ZNF131: variants seen among roughly 807,000 people sequenced by gnomAD.
The protein encoded by ZNF131 is zinc finger and BTB domain containing 35.
In ZNF131, 7 loss-of-function variants were observed where a neutral mutation model predicts 60.0. The ratio of observed to expected loss-of-function variants is 0.12; its 90% CI spans 0.07 to 0.22. The LOEUF (loss-of-function observed/expected upper bound fraction) is 0.22. Among genes scored for constraint, ZNF131 ranks in the 10% least tolerant of loss-of-function variants. The probability of loss-of-function intolerance (pLI) is 1.00; values close to 1 mark genes in which losing one functional copy is unlikely to be tolerated. For synonymous variants in ZNF131, 257 were observed against 253.2 expected, an observed-to-expected ratio of 1.01 and a Z score of -0.14; for missense variants, 493 against 740.9, an observed-to-expected ratio of 0.67 and a Z score of 3.88.
At chr5:43,125,607 C>T (rs545342568) in intron 3 of ZNF131, among the ~76,000 whole-genome samples, 2 of 151,830 alleles carry the variant, frequency 1.3e-5, no homozygotes, top group African/African-American at 2.4e-5. Context: ...ATGGTGAAAC[C>T]CTGTCTCTAC....
At chr5:43,150,092 C>CA (rs780253018) in intron 4 of ZNF131, among the ~76,000 whole-genome samples, 1 of 152,184 alleles carries the variant, frequency 6.6e-6, no homozygotes, top group Non-Finnish European at 1.5e-5. Flanking sequence ...ACAGGGGTGA[C>CA]ACAGTGGCCT....
In ZNF131 at chr5:43,139,327, T is replaced by C; in HGVS notation, c.371+18T>C. The C allele has an allele frequency of 6.3e-7, 1 of 1,596,834 alleles. No individual in the cohort carries two copies. Among genetic ancestry groups the C allele is most frequent in the Non-Finnish European group, 8.5e-7 (1 of 1,173,004 alleles). On this transcript the variant is annotated intron_variant, in intron 4 of 6. Transcript: ENST00000682664. ...GAAGTCAGGTACTTAATTTCTTTAA[T>C]GGGGTTCAGATAGTCATATTCAGTC...
At chr5:43,166,420 A>G (rs1750356741) in intron 5 of ZNF131, among the ~76,000 whole-genome samples, 1 of 147,608 alleles carries the variant, frequency 6.8e-6, no homozygotes, top group African/African-American at 2.5e-5. Context: ...GAGTGCAGTC[A>G]TGCGATCTCG....
chr5:43,132,908 A>T (rs1051099856), intron 3 of ZNF131, among the ~76,000 whole-genome samples: 1 of 152,208 alleles, frequency 6.6e-6, no homozygotes, highest in Non-Finnish European at 1.5e-5. Flanking sequence ...CCGCATTCAG[A>T]TGTGTAAAAC....
At chr5:43,146,227 T>C (rs782978) in intron 4 of ZNF131, among the ~76,000 whole-genome samples, 42,002 of 152,136 alleles carry the variant, frequency 0.28, 6,383 homozygotes, top group East Asian at 0.63. Flanking sequence ...GTGTAAACTT[T>C]CTGAACGACA....
At chr5:43,152,068 T>C (rs758491599) in intron 4 of ZNF131, among the ~76,000 whole-genome samples, 15 of 151,846 alleles carry the variant, frequency 9.9e-5, no homozygotes, top group Non-Finnish European at 1.8e-4. Flanking sequence ...TGCAGTGACA[T>C]GATCTTGGCT....
chr5:43,138,120 C>T (rs998350948), intron 3 of ZNF131, among the ~76,000 whole-genome samples: 6 of 152,220 alleles, frequency 3.9e-5, no homozygotes, highest in African/African-American at 9.6e-5. Context: ...AATCAGTGGG[C>T]ATAAAGTTTC....
intron 6 of ZNF131, 45 bp downstream of exon 6, chr5:43,173,493 T>C (rs1751240047): frequency 6.3e-7 from 1 of 1,578,016 alleles, no homozygotes; most frequent in Non-Finnish European, 8.6e-7. Context: ...AGGAGTCTTG[T>C]GTTTGCAGTC....
intron 4 of ZNF131, among the ~76,000 whole-genome samples, chr5:43,158,582 G>A (rs1459475747): frequency 6.6e-6 from 1 of 152,314 alleles, no homozygotes; most frequent in Non-Finnish European, 1.5e-5. Flanking sequence ...GAGCCACCGC[G>A]CCCGGCCAGA....
chr5:43,127,724 G>A (rs1276809597), intron 3 of ZNF131, among the ~76,000 whole-genome samples: 1 of 152,202 alleles, frequency 6.6e-6, no homozygotes, highest in Non-Finnish European at 1.5e-5. Flanking sequence ...CTTCAAATCA[G>A]ATTTGTTGCT....
intron 5 of ZNF131, among the ~76,000 whole-genome samples, chr5:43,172,274 T>C (rs912082066): frequency 6.6e-6 from 1 of 152,240 alleles, no homozygotes; most frequent in Non-Finnish European, 1.5e-5. Flanking sequence ...ATTTTTGTTA[T>C]CATACAACAT....
intron 4 of ZNF131, 63 bp downstream of exon 4, chr5:43,139,372 A>G: frequency 7.1e-7 from 1 of 1,401,854 alleles, no homozygotes; most frequent in South Asian, 1.8e-5. Flanking sequence ...CTGTTAGTGA[A>G]GAACTTACAG....
chr5:43,131,504 A>C (rs1372623633), intron 3 of ZNF131, among the ~76,000 whole-genome samples: 1 of 152,140 alleles, frequency 6.6e-6, no homozygotes, highest in Non-Finnish European at 1.5e-5. Context: ...CTCTGTGTTG[A>C]CATGGCATAC....
intron 4 of ZNF131, among the ~76,000 whole-genome samples, chr5:43,160,946 G>A (rs759930056): frequency 4.6e-5 from 7 of 152,052 alleles, no homozygotes; most frequent in Non-Finnish European, 8.8e-5. Context: ...CTCCCAAAGT[G>A]TTGCGATTAC....
At chr5:43,167,915 A>G in intron 5 of ZNF131, 1 of 445,778 alleles carries the variant, frequency 2.2e-6, no homozygotes, top group South Asian at 1.6e-5. Flanking sequence ...AAGAAAAGGA[A>G]TTTATTTCTT....
chr5:43,163,981 A>G, intron 5 of ZNF131, among the ~76,000 whole-genome samples: 1 of 152,240 alleles, frequency 6.6e-6, no homozygotes, highest in East Asian at 1.9e-4. Flanking sequence ...GACTGAGTAA[A>G]TACAGGAATA....
chr5:43,136,468 G>A (rs556707974), intron 3 of ZNF131, among the ~76,000 whole-genome samples: 21 of 137,564 alleles, frequency 1.5e-4, no homozygotes, highest in African/African-American at 3.7e-4. Flanking sequence ...AAAGCTAGAG[G>A]CATCATACTT....
At position 43,174,999 on chromosome 5, in the gene ZNF131, A is replaced by G. The variant is rs1390761563; in HGVS notation, c.1738A>G (p.Ser580Gly). ...EIMNQEERESSQADAAEAARE... is the reference protein window; with the variant it reads ...EIMNQEERESGQADAAEAARE... The stretch of plus-strand genomic sequence containing the variant: ...CATGAACCAAGAGGAGAGAGAGTCT[A>G]GCCAAGCAGATGCTGCTGAGGCTGC... Residue 580 changes from serine (S) to glycine (G), a missense_variant, in exon 7 of 7, where the codon AGC (serine) becomes GGC (glycine). By Grantham distance (56) the Ser-to-Gly change is moderately conservative. This residue lies in a region of ZNF131 where 202 missense variants were observed against 221.3 expected (regional missense o/e 0.91). Coordinates refer to ENST00000682664, the MANE Select transcript of ZNF131 (RefSeq NM_001330707.2). The G allele has an allele frequency of 2.5e-6, 4 of 1,614,188 alleles. No individual in the cohort carries two copies. In the East Asian group the frequency reaches 6.7e-5, roughly 27 times the overall value.
intron 3 of ZNF131, among the ~76,000 whole-genome samples, chr5:43,133,310 A>G (rs1745602467): frequency 6.6e-6 from 1 of 151,058 alleles, no homozygotes. Flanking sequence ...CTAAAAATAC[A>G]AAAAATTAGC....
Sources: allele counts gnomAD v4.1 joint callset (sites outside exome capture counted in the v4.1 genomes callset), GRCh38; gene constraint gnomAD v4.1.1; regional missense constraint gnomAD v4.1.1; transcripts MANE v1.5; gene names NCBI Gene and HGNC (gene_info 2026-07-23, HGNC 2026-07-21).